Variants in SLC6A12 observed in about 807,000 individuals in gnomAD.
The protein encoded by SLC6A12 is solute carrier family 6 member 12, also known as sodium- and chloride-dependent betaine transporter.
SLC6A12 carries 50 observed loss-of-function variants against 73.3 expected under a neutral mutation model. The observed-to-expected ratio is 0.68, with a 90% CI of 0.54 to 0.86. The LOEUF is 0.86. SLC6A12 is among the 40% of genes least tolerant of loss of function. The probability of loss-of-function intolerance (pLI) is 0.00; values close to 1 mark genes in which losing one functional copy is unlikely to be tolerated. For synonymous variants in SLC6A12, 304 were observed against 309.2 expected, an observed-to-expected ratio of 0.98 and a Z score of 0.18; for missense variants, 648 against 772.8, an observed-to-expected ratio of 0.84 and a Z score of 1.92.
At chr12:212,847 C>T (rs1319849593) in intron 1 of SLC6A12, among the ~76,000 whole-genome samples, 2 of 152,112 alleles carry the variant, frequency 1.3e-5, no homozygotes, top group African/African-American at 2.4e-5. Flanking sequence ...TCCAGCCCCT[C>T]GAGTCTCCTC....
Position 198,137 on chromosome 12 carries a change from C to T in SLC6A12, c.847-134G>A. The T allele has an allele frequency of 1.5e-6, 1 of 670,634 alleles. No homozygotes were observed. Among genetic ancestry groups the T allele is most frequent in the Non-Finnish European group, 2.6e-6 (1 of 381,294 alleles). 41.5% of individuals were successfully genotyped at this position (670,634 alleles called of 1,614,324 possible). A position where few individuals can be genotyped will look rare whatever the true frequency, so the allele number is the denominator to read the frequency against. On this transcript the variant is annotated intron_variant, in intron 8 of 15. Transcript: ENST00000684302. The surrounding 1 kb of genome is among the most constrained non-coding windows in gnomAD (Gnocchi z 4.0). ...CCCTGAGCGCTTCCCTCCTGCATCC[C>T]AACTCTCCGTGAGTGCGCCCTCCGG...
downstream of SLC6A12, among the ~76,000 whole-genome samples, chr12:187,585 A>C: frequency 8.8e-6 from 1 of 113,292 alleles, no homozygotes; most frequent in South Asian, 3.4e-4. Context: ...TTACTGCAAA[A>C]GAGCAAAAAA....
At chr12:185,391 G>A (rs1184363120), downstream of SLC6A12, among the ~76,000 whole-genome samples, 1 of 152,244 alleles carries the variant, frequency 6.6e-6, no homozygotes, top group Non-Finnish European at 1.5e-5. Context: ...ACTGAGTCCT[G>A]CTTGGGGAAG....
In SLC6A12 at chr12:202,741, T is replaced by A. The variant is rs1037743553; in HGVS notation, c.489A>T (p.Thr163=). ...PWTTCNNFWN[T]EHCTDFLNHS... ...CCCAGGGGCTGAAATGATGGATACC[T>A]GTGTTCCAAAAGTTGTTGCAGGTCG... Residue 163 remains threonine (T), a splice_region_variant and synonymous_variant, in exon 5 of 16, where the codon ACA becomes ACT. Transcript: ENST00000684302. 1 of 1,613,244 alleles carries A rather than the reference T, an allele frequency of 6.2e-7. No homozygotes were observed. Among genetic ancestry groups the A allele is most frequent in the Admixed American group, 1.7e-5 (1 of 59,988 alleles).
At position 193,506 on chromosome 12, in the gene SLC6A12, G is replaced by T. The variant is rs1262001969; in HGVS notation, c.1430-129C>A. 3 of 634,326 alleles carry T rather than the reference G, an allele frequency of 4.7e-6. No individual in the cohort carries two copies. In the African/African-American group the frequency reaches 5.4e-5, roughly 11 times the overall value. The allele number at this position is 634,326 out of a possible 1,614,324, so 39.3% of individuals were successfully genotyped here. On this transcript the variant is annotated intron_variant, in intron 13 of 15. Coordinates refer to ENST00000684302, the MANE Select transcript of SLC6A12 (RefSeq NM_001122848.3). ...CCCTGTGCAGGGAAACTGGAACAGGGCACGTGAGTGAGACGCCTCCCTGAC... is the reference window on the plus strand; with the variant it reads ...CCCTGTGCAGGGAAACTGGAACAGGTCACGTGAGTGAGACGCCTCCCTGAC...
At position 190,611 on chromosome 12, in the gene SLC6A12, CAG is replaced by C. The variant is rs1459034391; in HGVS notation, c.*455_*456del. 6.5e-6 allele frequency: 1 copy of C among 152,738 alleles called. No individual in the cohort carries two copies. Among genetic ancestry groups the C allele is most frequent in the Non-Finnish European group, 1.5e-5 (1 of 68,398 alleles). 9.5% of individuals were successfully genotyped at this position (152,738 alleles called of 1,614,324 possible). A position where few individuals can be genotyped will look rare whatever the true frequency, so the allele number is the denominator to read the frequency against. The stretch of plus-strand genomic sequence containing the variant: ...CCCTAACGGAACCTCCGATCCAACA[CAG>C]TGTGTTCAGTTGTCACTTCCAACAG... On this transcript the variant is annotated 3_prime_UTR_variant, in exon 16 of 16. Transcript: ENST00000684302.
chr12:189,873 G>A (rs1045635148), downstream of SLC6A12, among the ~76,000 whole-genome samples: 5 of 152,274 alleles, frequency 3.3e-5, no homozygotes, highest in East Asian at 5.8e-4. Context: ...CGTGCATTCC[G>A]TGGGGGAATA....
At chr12:192,749 C>A in intron 14 of SLC6A12, 101 bp from the exon 15 acceptor site, 4 of 1,102,728 alleles carry the variant, frequency 3.6e-6, no homozygotes, top group Non-Finnish European at 5.5e-6. Flanking sequence ...AGGTGCACTG[C>A]AGCACGTCTG....
intron 13 of SLC6A12, 50 bp from the exon 14 acceptor site, chr12:193,427 C>T: frequency 7.0e-7 from 1 of 1,419,654 alleles, no homozygotes; most frequent in South Asian, 1.2e-5. Context: ...GTGAGAACAG[C>T]TTCCCGGTGT....
intron 13 of SLC6A12, chr12:193,900 G>A (rs573531435): frequency 1.3e-5 from 2 of 152,422 alleles, no homozygotes; most frequent in South Asian, 4.1e-4. Context: ...TGGTAAGAAG[G>A]TTAATTTGTG....
Position 213,763 on chromosome 12 carries a change from CA to C in SLC6A12, c.-143+158del, listed in dbSNP as rs1941000459. 6.6e-6 allele frequency: 1 copy of C among 152,604 alleles called. No homozygotes were observed. Among genetic ancestry groups the C allele is most frequent in the East Asian group, 1.9e-4 (1 of 5,212 alleles). 9.5% of individuals were successfully genotyped at this position (152,604 alleles called of 1,614,324 possible). A position where few individuals can be genotyped will look rare whatever the true frequency, so the allele number is the denominator to read the frequency against. ...CCCTTGTCCTGAGAGTCGTGGGCAT[CA>C]GACTTGCCCTTTGGCCTGAGGTTAT... On this transcript the variant is annotated intron_variant, in intron 1 of 15. Transcript: ENST00000684302. This position sits in a 1 kb window ranked among gnomAD's most constrained non-coding sequence, Gnocchi z 5.3.
chr12:202,611 A>G (rs1037454060), intron 5 of SLC6A12, 129 bp downstream of exon 5: 2 of 889,026 alleles, frequency 2.2e-6, no homozygotes, highest in Non-Finnish European at 3.4e-6. Context: ...AGAGCTGCCC[A>G]GGAGCCCACG....
intron 14 of SLC6A12, 182 bp downstream of exon 14, chr12:193,095 T>C (rs757299149): frequency 5.3e-5 from 31 of 584,650 alleles, no homozygotes; most frequent in Non-Finnish European, 9.2e-5. Flanking sequence ...ATTCTACTTA[T>C]GGGTGGATGA....
At chr12:202,668 T>C (rs1168418729) in intron 5 of SLC6A12, 72 bp downstream of exon 5, 1 of 1,500,308 alleles carries the variant, frequency 6.7e-7, no homozygotes, top group Non-Finnish European at 9.1e-7. Context: ...CTCCCCGTCG[T>C]TGCTTGGATT....
At chr12:199,049 G>C in intron 7 of SLC6A12, 118 bp from the exon 8 acceptor site, 1 of 950,270 alleles carries the variant, frequency 1.1e-6, no homozygotes, top group Non-Finnish European at 1.6e-6. Context: ...AGACAGCCTA[G>C]AGGGGCTAAG....
At chr12:184,784 A>G in the SLC6A12 span, among the ~76,000 whole-genome samples, 1 of 151,890 alleles carries the variant, frequency 6.6e-6, no homozygotes, top group Admixed American at 6.6e-5. Flanking sequence ...AAATACAAAA[A>G]TTAGCCAAGC....
intron 10 of SLC6A12, among the ~76,000 whole-genome samples, chr12:197,114 C>CATCT (rs1565468947): frequency 1.4e-3 from 54 of 37,454 alleles, no homozygotes; most frequent in African/African-American, 4.1e-3. Flanking sequence ...TCCATCCATC[C>CATCT]ATCCATCCAT....
At chr12:187,504 T>C (rs918654918), downstream of SLC6A12, among the ~76,000 whole-genome samples, 3 of 147,102 alleles carry the variant, frequency 2.0e-5, no homozygotes, top group African/African-American at 7.6e-5. Flanking sequence ...GAAGTAAACC[T>C]GCAGATTTTC....
At chr12:187,632 C>CAAACAAAAAAA (rs1939460137), downstream of SLC6A12, among the ~76,000 whole-genome samples, 1 of 96,380 alleles carries the variant, frequency 1.0e-5, no homozygotes, top group African/African-American at 4.4e-5. Context: ...AAAAAAAAAA[C>CAAACAAAAAAA]AAACCACACA....
Sources: allele counts gnomAD v4.1 joint callset (sites outside exome capture counted in the v4.1 genomes callset), GRCh38; gene constraint gnomAD v4.1.1; non-coding constraint Gnocchi (gnomAD v3.1); transcripts MANE v1.5; gene names NCBI Gene and HGNC (gene_info 2026-07-23, HGNC 2026-07-21).